The following PPM1L variants were observed in gnomAD, a reference collection of about 807,000 sequenced individuals.
The protein encoded by PPM1L is protein phosphatase, Mg2+/Mn2+ dependent 1L.
Under a neutral mutation model 31.4 loss-of-function variants are expected in PPM1L, and 13 were observed. The ratio of observed to expected loss-of-function variants is 0.41; its 90% CI spans 0.27 to 0.66. The LOEUF (loss-of-function observed/expected upper bound fraction) is 0.66, where lower values mean the gene tolerates loss of function less well. PPM1L is among the 30% of genes least tolerant of loss of function. PPM1L has a pLI of 0.29. For missense variants in PPM1L, 326 were observed against 453.7 expected, an observed-to-expected ratio of 0.72 and a Z score of 2.56; for synonymous variants, 184 against 175.4, an observed-to-expected ratio of 1.05 and a Z score of -0.39.
At position 160,978,863 on chromosome 3, in the gene PPM1L, GAGAA is replaced by G. The variant is rs574211645; in HGVS notation, c.574+16964_574+16967del. On this transcript the variant is annotated intron_variant, in intron 2 of 3. Transcript: ENST00000498165. ...AAAGAAAGAAAGAGAGAAAGAGAGA[GAGAA>G]AGAAAGAAAGGAAAGAAAGTATTAT... Among the ~76,000 whole-genome samples, 315 of 151,638 alleles carry G rather than the reference GAGAA, an allele frequency of 2.1e-3. 1 individual carries two copies. The highest frequency in any genetic ancestry group is 7.1e-3 in the African/African-American group (294 of 41,416).
intron 1 of PPM1L, among the ~76,000 whole-genome samples, chr3:160,826,550 C>G (rs1713361370): frequency 6.6e-6 from 1 of 152,030 alleles, no homozygotes; most frequent in Non-Finnish European, 1.5e-5. Flanking sequence ...CTGATAGAAT[C>G]TTTATTCAAA....
chr3:160,798,464 C>T (rs1407962744), intron 1 of PPM1L, among the ~76,000 whole-genome samples: 1 of 152,110 alleles, frequency 6.6e-6, no homozygotes, highest in Non-Finnish European at 1.5e-5. Flanking sequence ...TCAAAAAAAC[C>T]TATGGCCCTT....
intron 1 of PPM1L, among the ~76,000 whole-genome samples, chr3:160,881,701 C>T (rs554292033): frequency 6.6e-6 from 1 of 152,170 alleles, no homozygotes; most frequent in Non-Finnish European, 1.5e-5. Flanking sequence ...ATTGACCTCA[C>T]TTTCTAGTAA....
At chr3:161,016,018 G>T (rs1399114968) in intron 2 of PPM1L, among the ~76,000 whole-genome samples, 1 of 152,144 alleles carries the variant, frequency 6.6e-6, no homozygotes, top group African/African-American at 2.4e-5. Flanking sequence ...GAACAGTCCT[G>T]CTGTCAACTT....
At chr3:160,915,846 G>T (rs998421330) in intron 1 of PPM1L, among the ~76,000 whole-genome samples, 1 of 152,136 alleles carries the variant, frequency 6.6e-6, no homozygotes, top group Non-Finnish European at 1.5e-5. Flanking sequence ...TGGGAAAACT[G>T]GCTAGCCATA....
intron 1 of PPM1L, among the ~76,000 whole-genome samples, chr3:160,906,079 T>A: frequency 6.6e-6 from 1 of 152,160 alleles, no homozygotes; most frequent in Middle Eastern, 3.4e-3. Context: ...ATTATTATTA[T>A]TTTTTTAGGA....
chr3:160,778,763 A>G (rs759248133), intron 1 of PPM1L, among the ~76,000 whole-genome samples: 1 of 152,160 alleles, frequency 6.6e-6, no homozygotes, highest in Non-Finnish European at 1.5e-5. Flanking sequence ...CAGAGATGCT[A>G]CTAAGTATCC....
At position 161,076,878 on chromosome 3, in the gene PPM1L, C is replaced by T. The variant is rs1316308297; in HGVS notation, c.*7721C>T. 1 of 152,170 alleles carries T rather than the reference C, an allele frequency of 6.6e-6. No individual in the cohort carries two copies. Among genetic ancestry groups the T allele is most frequent in the African/African-American group, 2.4e-5 (1 of 41,444 alleles). The allele number at this position is 152,170 out of a possible 1,614,324, so 9.4% of individuals were successfully genotyped here. On this transcript the variant is annotated 3_prime_UTR_variant, in exon 4 of 4. Transcript: ENST00000498165. ...TTTTTTTCTTAAAAATAAATAGAAG[C>T]ATCATTGCATTTATAACAGATTGAT...
At chr3:160,841,642 A>G (rs986566990) in intron 1 of PPM1L, among the ~76,000 whole-genome samples, 2 of 152,226 alleles carry the variant, frequency 1.3e-5, no homozygotes, top group Non-Finnish European at 2.9e-5. Context: ...CAGCACAGTC[A>G]TATTTTAGGC....
intron 1 of PPM1L, among the ~76,000 whole-genome samples, chr3:160,822,164 T>G (rs1174134676): frequency 6.6e-6 from 1 of 152,128 alleles, no homozygotes; most frequent in East Asian, 1.9e-4. Flanking sequence ...TTACCCAACA[T>G]AATTGTCATT....
chr3:161,027,003 T>G (rs898676), intron 2 of PPM1L, among the ~76,000 whole-genome samples: 31,895 of 152,148 alleles, frequency 0.21, 3,543 homozygotes, highest in South Asian at 0.3. Context: ...ACCTTGGATC[T>G]TGGACAAGTT....
At chr3:160,903,164 A>AGTTGT (rs1553819623) in intron 1 of PPM1L, among the ~76,000 whole-genome samples, 1 of 106,530 alleles carries the variant, frequency 9.4e-6, no homozygotes, top group African/African-American at 4.3e-5. Context: ...TAGAAGCAAT[A>AGTTGT]GTGTGTGTGT....
At chr3:161,010,929 T>C (rs1717872657) in intron 2 of PPM1L, among the ~76,000 whole-genome samples, 1 of 152,242 alleles carries the variant, frequency 6.6e-6, no homozygotes, top group Non-Finnish European at 1.5e-5. Flanking sequence ...CTTTGACACA[T>C]GAGTAGATTG....
At chr3:160,769,616 GTT>G (rs113343931) in intron 1 of PPM1L, among the ~76,000 whole-genome samples, 2,510 of 147,986 alleles carry the variant, frequency 0.017, 66 homozygotes, top group African/African-American at 0.058. Context: ...AACAAGGTGG[GTT>G]TTTTTTTTCT....
intron 2 of PPM1L, among the ~76,000 whole-genome samples, chr3:160,975,087 G>C (rs62280335): frequency 1.3e-5 from 2 of 151,050 alleles, no homozygotes; most frequent in South Asian, 2.1e-4. Context: ...AGCTTTCTAC[G>C]TATGGCTAGC....
chr3:160,782,374 A>AGT (rs1312276905), intron 1 of PPM1L, among the ~76,000 whole-genome samples: 1 of 152,224 alleles, frequency 6.6e-6, no homozygotes. Flanking sequence ...ATAAAATGAC[A>AGT]GTGTGTTACT....
chr3:161,014,785 A>G (rs1254949185), intron 2 of PPM1L, among the ~76,000 whole-genome samples: 12 of 152,162 alleles, frequency 7.9e-5, no homozygotes, highest in Admixed American at 6.5e-4. Context: ...TTTTAAGTGT[A>G]GTAGAAACTA....
At chr3:160,762,735 G>T (rs1715001650) in intron 1 of PPM1L, among the ~76,000 whole-genome samples, 1 of 152,128 alleles carries the variant, frequency 6.6e-6, no homozygotes, top group Non-Finnish European at 1.5e-5. Context: ...GATGATATTA[G>T]AGATTGAAGA....
At chr3:160,867,079 G>A (rs1330641065) in intron 1 of PPM1L, among the ~76,000 whole-genome samples, 4 of 152,082 alleles carry the variant, frequency 2.6e-5, no homozygotes, top group Non-Finnish European at 2.9e-5. Context: ...GGCTCAAGTG[G>A]TATACCTACT....
Sources: allele counts gnomAD v4.1 joint callset (sites outside exome capture counted in the v4.1 genomes callset), GRCh38; gene constraint gnomAD v4.1.1; transcripts MANE v1.5; gene names NCBI Gene and HGNC (gene_info 2026-07-23, HGNC 2026-07-21).